The following ANKRD10 variants were observed in gnomAD, a reference collection of about 807,000 sequenced individuals.
The protein encoded by ANKRD10 is ankyrin repeat domain-containing protein 10.
ANKRD10 carries 14 observed loss-of-function variants against 27.0 expected under a neutral mutation model. The observed-to-expected ratio is 0.52, with a 90% CI of 0.34 to 0.81. The LOEUF (loss-of-function observed/expected upper bound fraction) is 0.81. Ranked by LOEUF, ANKRD10 falls within the 40% of genes least tolerant of loss-of-function variation. The probability of loss-of-function intolerance (pLI) is 0.01; values close to 1 mark genes in which losing one functional copy is unlikely to be tolerated. For missense variants in ANKRD10, 493 were observed against 544.0 expected, an observed-to-expected ratio of 0.91 and a Z score of 0.93; for synonymous variants, 250 against 224.5, an observed-to-expected ratio of 1.11 and a Z score of -1.01.
chr13:110,883,627 ACT>A (rs1333044577), intron 5 of ANKRD10, 69 bp downstream of exon 5: 10 of 1,588,760 alleles, frequency 6.3e-6, no homozygotes, highest in Non-Finnish European at 8.6e-6. Context: ...CAACAGAACC[ACT>A]CTCCTGCTGT....
chr13:110,905,312 A>ATAATG (rs749421602), intron 3 of ANKRD10: 11 of 152,218 alleles, frequency 7.2e-5, no homozygotes, highest in Non-Finnish European at 1.3e-4. Flanking sequence ...AAATAAATGT[A>ATAATG]TAATGCCATG....
Position 110,892,416 on chromosome 13 carries a change from C to CAAAAAAAAAAAAAAAAAAAAAAA in ANKRD10, c.691+611_691+612insTTTTTTTTTTTTTTTTTTTTTTT. Among the ~76,000 whole-genome samples the CAAAAAAAAAAAAAAAAAAAAAAA allele has an allele frequency of 2.1e-3, 41 of 19,552 alleles. 10 individuals carry two copies. The East Asian group carries it at 0.025, about 12-fold the overall frequency. 12.8% of individuals were successfully genotyped at this position (19,552 alleles called of 152,430 possible). On this transcript the variant is annotated intron_variant, in intron 4 of 5. Transcript: ENST00000267339. ...TTGCACTCCAGCCTGGGTGACAGAG[C>CAAAAAAAAAAAAAAAAAAAAAAA]AAAAAAAAAAAAAAAAAAAATGGTG...
At chr13:110,881,486 A>G (rs1205606749) in intron 5 of ANKRD10, among the ~76,000 whole-genome samples, 1 of 151,964 alleles carries the variant, frequency 6.6e-6, no homozygotes, top group Non-Finnish European at 1.5e-5. Flanking sequence ...TATTTAAGCA[A>G]CATAGTTTAA....
At position 110,911,232 on chromosome 13, in the gene ANKRD10, T is replaced by C. The variant is rs1295172954; in HGVS notation, c.211-462A>G. Among the ~76,000 whole-genome samples the C allele has an allele frequency of 2.1e-3, 258 of 123,140 alleles. No individual in the cohort carries two copies. The Middle Eastern group carries it at 0.036, about 17-fold the overall frequency. 80.8% of individuals were successfully genotyped at this position (123,140 alleles called of 152,430 possible). ...TGGGAGGCCAAGGCGGGTGGATCACTTGAGGTCAGGAATTCGAAACCAGCC... is the reference window on the plus strand; with the variant it reads ...TGGGAGGCCAAGGCGGGTGGATCACCTGAGGTCAGGAATTCGAAACCAGCC... On this transcript the variant is annotated intron_variant, in intron 1 of 5. Coordinates refer to ENST00000267339, the MANE Select transcript of ANKRD10 (RefSeq NM_017664.4).
intron 4 of ANKRD10, 96 bp from the exon 5 acceptor site, chr13:110,883,889 A>C: frequency 7.3e-7 from 1 of 1,373,774 alleles, no homozygotes; most frequent in South Asian, 1.4e-5. Context: ...AGCACTGAAC[A>C]CTTTAAACAA....
At chr13:110,891,164 G>C (rs1281095317) in intron 4 of ANKRD10, among the ~76,000 whole-genome samples, 3 of 152,106 alleles carry the variant, frequency 2.0e-5, no homozygotes, top group African/African-American at 7.2e-5. Context: ...AGGACATTTA[G>C]ACTATACAGT....
intron 4 of ANKRD10, among the ~76,000 whole-genome samples, chr13:110,890,784 T>C (rs1453016220): frequency 1.4e-5 from 2 of 143,088 alleles, no homozygotes; most frequent in African/African-American, 2.5e-5. Flanking sequence ...CAGGAATGTA[T>C]AGTTTGGGAA....
chr13:110,897,294 C>CTT (rs35945478), intron 3 of ANKRD10, among the ~76,000 whole-genome samples: 18,971 of 127,456 alleles, frequency 0.15, 1,467 homozygotes, highest in Admixed American at 0.18. Flanking sequence ...TGCCTGGCTA[C>CTT]TTTTTTTTTT....
chr13:110,895,685 C>G (rs185385954), intron 3 of ANKRD10, among the ~76,000 whole-genome samples: 27 of 152,302 alleles, frequency 1.8e-4, no homozygotes, highest in Non-Finnish European at 3.4e-4. Flanking sequence ...AAAGCACATT[C>G]GATTCCTTTA....
intron 1 of ANKRD10, among the ~76,000 whole-genome samples, chr13:110,913,284 C>G (rs948833783): frequency 2.0e-5 from 3 of 152,208 alleles, no homozygotes; most frequent in African/African-American, 4.8e-5. Context: ...CAGCAAGAGA[C>G]ACTCTGGAGG....
intron 4 of ANKRD10, among the ~76,000 whole-genome samples, chr13:110,891,683 G>C (rs749800006): frequency 1.3e-5 from 2 of 152,250 alleles, no homozygotes; most frequent in Middle Eastern, 6.8e-3. Context: ...GTGATTAACT[G>C]ATAGTCACTC....
chr13:110,883,023 GCTT>G (rs1185491365), intron 5 of ANKRD10, among the ~76,000 whole-genome samples: 3 of 152,182 alleles, frequency 2.0e-5, no homozygotes, highest in Admixed American at 2.0e-4. Flanking sequence ...AGCTGCTTCT[GCTT>G]CTTAAAAATT....
intron 4 of ANKRD10, among the ~76,000 whole-genome samples, chr13:110,891,160 T>C (rs1338009114): frequency 6.6e-6 from 1 of 152,162 alleles, no homozygotes; most frequent in South Asian, 2.1e-4. Flanking sequence ...TTCAAGGACA[T>C]TTAGACTATA....
intron 1 of ANKRD10, among the ~76,000 whole-genome samples, chr13:110,913,250 A>C (rs754549448): frequency 6.6e-6 from 1 of 152,238 alleles, no homozygotes; most frequent in African/African-American, 2.4e-5. Flanking sequence ...ACAGAATCCT[A>C]AAGTTTAGTG....
chr13:110,891,030 T>C (rs1390806601), intron 4 of ANKRD10, among the ~76,000 whole-genome samples: 1 of 152,176 alleles, frequency 6.6e-6, no homozygotes, highest in Non-Finnish European at 1.5e-5. Context: ...GAGACTAGTT[T>C]TACGAACTCT....
At chr13:110,901,107 C>T (rs1331292579) in intron 3 of ANKRD10, among the ~76,000 whole-genome samples, 1 of 151,928 alleles carries the variant, frequency 6.6e-6, no homozygotes, top group Non-Finnish European at 1.5e-5. Flanking sequence ...TACATGGAAT[C>T]ATTAAAAAAA....
intron 4 of ANKRD10, among the ~76,000 whole-genome samples, chr13:110,886,745 C>G (rs1034735338): frequency 1.3e-5 from 2 of 152,172 alleles, no homozygotes; most frequent in Non-Finnish European, 2.9e-5. Flanking sequence ...GTGGCCTGTA[C>G]AGACATTTCA....
At chr13:110,886,619 A>C (rs115845177) in intron 4 of ANKRD10, among the ~76,000 whole-genome samples, 1,774 of 152,276 alleles carry the variant, frequency 0.012, 27 homozygotes, top group African/African-American at 0.04. Flanking sequence ...CTGGCCTCTC[A>C]AAATTTTAAG....
chr13:110,896,489 C>T (rs1490328538), intron 3 of ANKRD10, among the ~76,000 whole-genome samples: 1 of 152,206 alleles, frequency 6.6e-6, no homozygotes, highest in Non-Finnish European at 1.5e-5. Context: ...CCTCTCCTTA[C>T]CTACATTCAT....
Sources: allele counts gnomAD v4.1 joint callset (sites outside exome capture counted in the v4.1 genomes callset), GRCh38; gene constraint gnomAD v4.1.1; transcripts MANE v1.5; gene names NCBI Gene and HGNC (gene_info 2026-07-23, HGNC 2026-07-21).